Variants in CDH13 observed in about 807,000 individuals in gnomAD.
The protein encoded by CDH13 is cadherin 13, also known as cadherin-13.
Under a neutral mutation model 63.8 loss-of-function variants are expected in CDH13, and 24 were observed. That is an observed-to-expected ratio of 0.38 (90% CI 0.27 to 0.53). The LOEUF (loss-of-function observed/expected upper bound fraction) is 0.53. CDH13 is among the 20% of genes least tolerant of loss of function. CDH13 has a pLI of 0.85. For missense variants in CDH13, 1,049 were observed against 903.1 expected, an observed-to-expected ratio of 1.16 and a Z score of -2.07; for synonymous variants, 503 against 355.3, an observed-to-expected ratio of 1.42 and a Z score of -4.67.
chr16:83,488,393 A>G (rs997798454), intron 7 of CDH13, among the ~76,000 whole-genome samples: 1 of 152,198 alleles, frequency 6.6e-6, no homozygotes, highest in Non-Finnish European at 1.5e-5. Flanking sequence ...AAAAGGAAAA[A>G]GAGTTGGAAA....
intron 7 of CDH13, among the ~76,000 whole-genome samples, chr16:83,595,883 T>G (rs1004546361): frequency 6.6e-6 from 1 of 152,228 alleles, no homozygotes; most frequent in Non-Finnish European, 1.5e-5. Flanking sequence ...TTTTGGTACC[T>G]AAAAGGAGCT....
intron 13 of CDH13, among the ~76,000 whole-genome samples, chr16:83,787,928 G>C (rs1488107021): frequency 6.6e-6 from 1 of 152,204 alleles, no homozygotes; most frequent in Non-Finnish European, 1.5e-5. Context: ...AAGCGACAGA[G>C]CAAAAAACAA....
chr16:82,817,972 C>G (rs1194049730), intron 1 of CDH13, among the ~76,000 whole-genome samples: 2 of 152,160 alleles, frequency 1.3e-5, no homozygotes, highest in African/African-American at 2.4e-5. Context: ...TATGTATACA[C>G]ACATACATTT....
At chr16:83,530,832 G>A (rs1182305478) in intron 7 of CDH13, among the ~76,000 whole-genome samples, 1 of 152,154 alleles carries the variant, frequency 6.6e-6, no homozygotes, top group Non-Finnish European at 1.5e-5. Flanking sequence ...CCAGTAACTA[G>A]CCCCTTGGCA....
intron 2 of CDH13, among the ~76,000 whole-genome samples, chr16:82,906,156 A>G (rs908325255): frequency 1.3e-5 from 2 of 152,290 alleles, no homozygotes; most frequent in African/African-American, 4.8e-5. Context: ...CTCTGACACT[A>G]TATTTTCTTA....
At chr16:83,244,005 C>A (rs982373641) in intron 5 of CDH13, among the ~76,000 whole-genome samples, 3 of 152,102 alleles carry the variant, frequency 2.0e-5, no homozygotes, top group African/African-American at 7.2e-5. Flanking sequence ...CATATAAATT[C>A]ATCTCTCTAG....
chr16:82,970,560 C>G lies in CDH13; in HGVS notation c.158-61450C>G, dbSNP rs548863838. The stretch of plus-strand genomic sequence containing the variant: ...GACTACAGGCGCCCGCCACCGCGCC[C>G]GGCTAATTTTTTGTATTTTTAGTAG... On this transcript the variant is annotated intron_variant, in intron 2 of 13. Coordinates refer to ENST00000567109, the MANE Select transcript of CDH13 (RefSeq NM_001257.5). Among the ~76,000 whole-genome samples, 9 of 125,894 alleles carry G rather than the reference C, an allele frequency of 7.1e-5. 1 individual carries two copies. The highest frequency in any genetic ancestry group is 1.5e-4 in the Non-Finnish European group (8 of 53,400). The allele number at this position is 125,894 out of a possible 152,430, so 82.6% of individuals were successfully genotyped here. A position where few individuals can be genotyped will look rare whatever the true frequency, so the allele number is the denominator to read the frequency against.
chr16:83,220,003 C>T (rs1037050662), intron 5 of CDH13, among the ~76,000 whole-genome samples: 1 of 152,108 alleles, frequency 6.6e-6, no homozygotes, highest in Non-Finnish European at 1.5e-5. Flanking sequence ...GGAAAGGGTA[C>T]TGGTATTTAG....
chr16:83,294,753 C>T (rs2089549210), intron 5 of CDH13, among the ~76,000 whole-genome samples: 1 of 151,964 alleles, frequency 6.6e-6, no homozygotes, highest in Non-Finnish European at 1.5e-5. Flanking sequence ...AATGGAAAGA[C>T]ATCCCATGTT....
intron 4 of CDH13, among the ~76,000 whole-genome samples, chr16:83,189,820 C>G (rs543026414): frequency 5.1e-4 from 78 of 152,312 alleles, no homozygotes; most frequent in African/African-American, 1.8e-3. Flanking sequence ...AATCCCCACA[C>G]GTCACGGGAG....
chr16:83,239,626 G>A (rs550834087), intron 5 of CDH13, among the ~76,000 whole-genome samples: 2 of 152,300 alleles, frequency 1.3e-5, no homozygotes, highest in East Asian at 3.9e-4. Context: ...CTGTGACTGA[G>A]GTGATTTTTT....
At chr16:83,516,314 C>A (rs2074697959) in intron 7 of CDH13, among the ~76,000 whole-genome samples, 1 of 152,176 alleles carries the variant, frequency 6.6e-6, no homozygotes, top group Admixed American at 6.5e-5. Context: ...AGAGTGGGGG[C>A]ACCCTATAAT....
intron 7 of CDH13, among the ~76,000 whole-genome samples, chr16:83,539,658 G>A (rs374856786): frequency 2.0e-5 from 3 of 152,208 alleles, no homozygotes; most frequent in East Asian, 1.9e-4. Context: ...CATTTTCTAC[G>A]TGTCACTCAT....
chr16:83,319,864 G>A (rs1427291280), intron 5 of CDH13, among the ~76,000 whole-genome samples: 1 of 152,186 alleles, frequency 6.6e-6, no homozygotes, highest in Non-Finnish European at 1.5e-5. Context: ...CACTGTTTCA[G>A]TTCTTCACCT....
chr16:83,159,188 G>A (rs1006853331), intron 4 of CDH13, among the ~76,000 whole-genome samples: 3 of 151,534 alleles, frequency 2.0e-5, no homozygotes, highest in African/African-American at 7.3e-5. Flanking sequence ...AAAATACCCT[G>A]GGGGAAACAA....
At chr16:83,166,418 A>C (rs988746697) in intron 4 of CDH13, among the ~76,000 whole-genome samples, 2 of 152,134 alleles carry the variant, frequency 1.3e-5, no homozygotes, top group Non-Finnish European at 2.9e-5. Context: ...AAAACTCAGC[A>C]CATCTCCAAA....
At chr16:83,546,079 G>C (rs770444780) in intron 7 of CDH13, among the ~76,000 whole-genome samples, 19 of 152,218 alleles carry the variant, frequency 1.2e-4, no homozygotes, top group Non-Finnish European at 7.3e-5. Context: ...ATGAGGAAGA[G>C]TGAAATTGGC....
chr16:82,817,604 G>C (rs761612718), intron 1 of CDH13, among the ~76,000 whole-genome samples: 12 of 152,238 alleles, frequency 7.9e-5, no homozygotes, highest in South Asian at 6.2e-4. Flanking sequence ...AGGAGTTCAA[G>C]ACCAGCCTGG....
At position 83,375,222 on chromosome 16, in the gene CDH13, A is replaced by G. The variant is rs543782028; in HGVS notation, c.781+30216A>G. On this transcript the variant is annotated intron_variant, in intron 6 of 13. Coordinates refer to ENST00000567109, the MANE Select transcript of CDH13 (RefSeq NM_001257.5). ...GTTACTTGCGATCTGTTTACATTAC[A>G]TAGAAGGTTGGTTAATTAGAAATAA... 2.6e-5 allele frequency among the ~76,000 whole-genome samples: 4 copies of G among 152,340 alleles called. No individual in the cohort carries two copies. In the East Asian group the frequency reaches 7.7e-4, roughly 29 times the overall value.
Sources: gnomAD v4.1 joint callset for allele counts (sites outside exome capture counted in the v4.1 genomes callset) on GRCh38, gnomAD v4.1.1 for gene constraint, MANE v1.5 for transcripts, NCBI Gene and HGNC (gene_info 2026-07-23, HGNC 2026-07-21) for gene names.